ZFP64: variants seen among roughly 807,000 people sequenced by gnomAD.
ZFP64 encodes the protein zinc finger protein 64.
Under a neutral mutation model 51.6 loss-of-function variants are expected in ZFP64, and 14 were observed. The ratio of observed to expected loss-of-function variants is 0.27; its 90% CI spans 0.18 to 0.42. The LOEUF (loss-of-function observed/expected upper bound fraction) is 0.42, where lower values mean the gene tolerates loss of function less well. ZFP64 is among the 10% of genes least tolerant of loss of function. ZFP64 has a pLI of 1.00. For synonymous variants in ZFP64, 375 were observed against 361.4 expected, an observed-to-expected ratio of 1.04 and a Z score of -0.43; for missense variants, 754 against 906.8, an observed-to-expected ratio of 0.83 and a Z score of 2.16.
At chr20:52,188,396 G>A (rs1329726776) in intron 1 of ZFP64, among the ~76,000 whole-genome samples, 1 of 136,172 alleles carries the variant, frequency 7.3e-6, no homozygotes, top group Non-Finnish European at 1.5e-5. Flanking sequence ...CTCACTGCAA[G>A]CTCTGCCTCC....
chr20:52,125,666 A>G (rs1378035270), intron 5 of ZFP64, among the ~76,000 whole-genome samples: 2 of 152,144 alleles, frequency 1.3e-5, no homozygotes, highest in Non-Finnish European at 2.9e-5. Flanking sequence ...AGCCTGTACC[A>G]TGTGCGGTGG....
chr20:52,176,362 A>C (rs1983212257), intron 2 of ZFP64, among the ~76,000 whole-genome samples: 1 of 152,104 alleles, frequency 6.6e-6, no homozygotes, highest in Admixed American at 6.6e-5. Flanking sequence ...GTGCTTATCC[A>C]ACCACAATCT....
chr20:52,157,959 G>A (rs943083142), intron 5 of ZFP64, among the ~76,000 whole-genome samples: 10 of 152,112 alleles, frequency 6.6e-5, no homozygotes, highest in Admixed American at 1.3e-4. Context: ...TAAGAATGAT[G>A]GTTTCCAGCT....
intron 2 of ZFP64, among the ~76,000 whole-genome samples, chr20:52,184,646 G>A (rs1416459439): frequency 1.4e-5 from 2 of 140,278 alleles, no homozygotes; most frequent in Admixed American, 1.4e-4. Flanking sequence ...TTTTATTTAA[G>A]AAACAGGGTC....
Position 52,165,853 on chromosome 20 carries a change from G to C in ZFP64, c.448+11C>G. On this transcript the variant is annotated intron_variant, in intron 3 of 5. Coordinates refer to ENST00000216923, the MANE Select transcript of ZFP64 (RefSeq NM_018197.3). ...ACCCTCTACACAAGTAGGACATAAT[G>C]CTGCCTTTACCTGGATAGCAACAGT... The C allele has an allele frequency of 6.2e-7, 1 of 1,613,966 alleles. No individual in the cohort carries two copies. The highest frequency in any genetic ancestry group is 8.5e-7 in the Non-Finnish European group (1 of 1,179,902).
chr20:52,144,127 C>T (rs1169353274), intron 5 of ZFP64, among the ~76,000 whole-genome samples: 2 of 143,170 alleles, frequency 1.4e-5, no homozygotes, highest in African/African-American at 5.0e-5. Flanking sequence ...GTAGGACAGT[C>T]ATGATTTTAA....
intron 7 of ZFP64, among the ~76,000 whole-genome samples, chr20:52,091,816 C>T (rs895679783): frequency 6.7e-5 from 8 of 119,652 alleles, no homozygotes; most frequent in African/African-American, 1.9e-4. Context: ...GGAGAAACCC[C>T]GTCTCTACTA....
intron 5 of ZFP64, among the ~76,000 whole-genome samples, chr20:52,143,758 C>T (rs1980385854): frequency 7.0e-6 from 1 of 141,970 alleles, no homozygotes; most frequent in Non-Finnish European, 1.6e-5. Context: ...CTATGCTGCT[C>T]AAGCTGGTCT....
chr20:52,126,910 ATTT>A (rs145753021), intron 5 of ZFP64, among the ~76,000 whole-genome samples: 8 of 145,012 alleles, frequency 5.5e-5, no homozygotes, highest in Admixed American at 3.4e-4. Flanking sequence ...AGTGGAAAGA[ATTT>A]TTTTTTTTTT....
rs1413883571 is a variant in ZFP64 at position 52,152,855 on chromosome 20, T to A, written c.1337A>T (p.Gln446Leu). ...REDSLRSHKR[Q>L]HSEYSESKNS... ...CTTACTCTCACTGTACTCACTGTGC[T>A]GTCTCTTGTGGCTGCGGAGCGAGTC... Residue 446 changes from glutamine to leucine, a missense_variant, in exon 6 of 6, where the codon CAG (glutamine) becomes CTG (leucine). Around this residue, in one of 3 missense-constraint regions of ZFP64, gnomAD observed 428 missense variants for 472.4 expected, o/e 0.91. Coordinates refer to ENST00000216923, the MANE Select transcript of ZFP64 (RefSeq NM_018197.3). The A allele has an allele frequency of 3.7e-6, 6 of 1,614,104 alleles. No homozygotes were observed. The highest frequency in any genetic ancestry group is 4.2e-6 in the Non-Finnish European group (5 of 1,180,050).
At chr20:52,112,101 CAAAA>C (rs1213989280) in intron 5 of ZFP64, among the ~76,000 whole-genome samples, 1 of 76,930 alleles carries the variant, frequency 1.3e-5, no homozygotes, top group Non-Finnish European at 3.0e-5. Context: ...AAAAAAAAAA[CAAAA>C]AAAAAACAAG....
chr20:52,159,851 G>A (rs1444895025), intron 5 of ZFP64, among the ~76,000 whole-genome samples: 1 of 152,124 alleles, frequency 6.6e-6, no homozygotes, highest in Non-Finnish European at 1.5e-5. Context: ...AGCTGGACGT[G>A]GTGCAACATG....
chr20:52,109,213 T>TGATCTTGGCTCAC lies in ZFP64; in HGVS notation c.764-10639_764-10627dup, dbSNP rs1228289101. On this transcript the variant is annotated intron_variant, in intron 5 of 8. Transcript: ENST00000361387. ...TCGCCCAGGCTGGAGTGCAGTGGCA[T>TGATCTTGGCTCAC]GATCTTGGCTCACGATCTTGGCTCA... Among the ~76,000 whole-genome samples the TGATCTTGGCTCAC allele has an allele frequency of 2.0e-5, 3 of 152,088 alleles. No individual in the cohort carries two copies. The East Asian group carries it at 5.9e-4, about 30-fold the overall frequency.
intron 2 of ZFP64, among the ~76,000 whole-genome samples, chr20:52,171,742 G>A (rs1973950): frequency 0.2 from 28,774 of 142,266 alleles, 3,134 homozygotes; most frequent in Admixed American, 0.29. Flanking sequence ...TGCCTGCCTC[G>A]GCCTCCCCAA....
At chr20:52,114,918 C>A (rs557262998) in intron 5 of ZFP64, among the ~76,000 whole-genome samples, 6 of 152,272 alleles carry the variant, frequency 3.9e-5, no homozygotes, top group African/African-American at 1.4e-4. Flanking sequence ...CCAGGCCAGG[C>A]CGGGCACGGT....
At position 52,108,120 on chromosome 20, in the gene ZFP64, T is replaced by C. The variant is rs1978359422; in HGVS notation, c.764-9533A>G. Among the ~76,000 whole-genome samples, 2 of 152,114 alleles carry C rather than the reference T, an allele frequency of 1.3e-5. 1 individual carries two copies. Among genetic ancestry groups the C allele is most frequent in the South Asian group, 4.1e-4 (2 of 4,828 alleles). ...CACACACCTATGCTCCCAGCTACTC[T>C]GGAAACTGAGGCAGGAGGAAGCTGA... On this transcript the variant is annotated intron_variant, in intron 5 of 8. Transcript: ENST00000361387.
intron 7 of ZFP64, among the ~76,000 whole-genome samples, chr20:52,093,131 AT>A (rs2078946479): frequency 6.6e-6 from 1 of 151,680 alleles, no homozygotes; most frequent in African/African-American, 2.4e-5. Flanking sequence ...AAATCAGGAG[AT>A]TAAAAAAAAA....
chr20:52,184,506 A>T (rs1230194205), intron 2 of ZFP64, among the ~76,000 whole-genome samples: 2 of 152,044 alleles, frequency 1.3e-5, no homozygotes, highest in African/African-American at 2.4e-5. Flanking sequence ...AGGCATATGT[A>T]TTTTTTTTAT....
chr20:52,189,393 CA>C (rs11352168), intron 1 of ZFP64, among the ~76,000 whole-genome samples: 30,606 of 129,250 alleles, frequency 0.24, 3,411 homozygotes, highest in African/African-American at 0.35. Context: ...GACTTCATCT[CA>C]AAAAAAAAAA....
Sources: gnomAD v4.1 joint callset for allele counts (sites outside exome capture counted in the v4.1 genomes callset) on GRCh38, gnomAD v4.1.1 for gene constraint, gnomAD v4.1.1 regional missense constraint, MANE v1.5 for transcripts, NCBI Gene and HGNC (gene_info 2026-07-23, HGNC 2026-07-21) for gene names.